PALM2AKAP2: variants seen among roughly 807,000 people sequenced by gnomAD.
The protein encoded by PALM2AKAP2 is PALM2-AKAP2 fusion protein.
Under a neutral mutation model 71.5 loss-of-function variants are expected in PALM2AKAP2, and 37 were observed. That is an observed-to-expected ratio of 0.52 (90% confidence interval 0.40 to 0.68). PALM2AKAP2 has a LOEUF of 0.68. Ranked by LOEUF, PALM2AKAP2 falls within the 30% of genes least tolerant of loss-of-function variation. The pLI is 0.00. For missense variants in PALM2AKAP2, 1,224 were observed against 1,191.8 expected, an observed-to-expected ratio of 1.03 and a Z score of -0.40; for synonymous variants, 468 against 478.8, an observed-to-expected ratio of 0.98 and a Z score of 0.29.
Position 109,881,876 on chromosome 9 carries a change from C to CTTTTTTTTTTT in PALM2AKAP2, c.257+1212_257+1222dup, listed in dbSNP as rs565835467. ...TCTCTGTCTTCTGAGCTTATGAGCT[C>CTTTTTTTTTTT]TTTTTTTTTTTTTTTTTTTTTTTTT... On this transcript the variant is annotated intron_variant, in intron 3 of 9. Transcript: ENST00000302798. Among the ~76,000 whole-genome samples, 12 of 95,112 alleles carry CTTTTTTTTTTT rather than the reference C, an allele frequency of 1.3e-4. 1 individual carries two copies. Among genetic ancestry groups the CTTTTTTTTTTT allele is most frequent in the African/African-American group, 3.6e-4 (10 of 27,878 alleles). The allele number at this position is 95,112 out of a possible 152,430, so 62.4% of individuals were successfully genotyped here.
chr9:109,690,007 GT>G lies in PALM2AKAP2; in HGVS notation c.5+49155del, dbSNP rs573446380. Among the ~76,000 whole-genome samples the G allele has an allele frequency of 4.8e-3, 685 of 144,024 alleles. 5 individuals are homozygous for G. The highest frequency in any genetic ancestry group is 0.037 in the South Asian group (164 of 4,468). The allele number at this position is 144,024 out of a possible 152,430, so 94.5% of individuals were successfully genotyped here. A position where few individuals can be genotyped will look rare whatever the true frequency, so the allele number is the denominator to read the frequency against. On this transcript the variant is annotated intron_variant, in intron 1 of 6. Transcript: ENST00000374531. ...AAAGAGACATCAAGAATGGGGAAGA[GT>G]TTTTTTTTTTTTTCCTCTTAAACAA...
At chr9:110,038,119 C>T (rs958224708) in intron 7 of PALM2AKAP2, among the ~76,000 whole-genome samples, 1 of 152,112 alleles carries the variant, frequency 6.6e-6, no homozygotes, top group East Asian at 1.9e-4. Context: ...GTGGCAGGAT[C>T]GCTTGAGCCC....
intron 1 of PALM2AKAP2, among the ~76,000 whole-genome samples, chr9:110,084,177 G>T (rs1440614897): frequency 6.6e-6 from 1 of 152,204 alleles, no homozygotes; most frequent in Non-Finnish European, 1.5e-5. Context: ...AAAACACTAA[G>T]CAAAGGTGGG....
intron 2 of PALM2AKAP2, among the ~76,000 whole-genome samples, chr9:109,872,118 C>A (rs539882919): frequency 6.6e-6 from 1 of 152,206 alleles, no homozygotes; most frequent in East Asian, 1.9e-4. Context: ...CATTCCTGTG[C>A]CAGTATTGTT....
intron 1 of PALM2AKAP2, among the ~76,000 whole-genome samples, chr9:110,054,137 C>T (rs1241174162): frequency 6.6e-5 from 10 of 152,196 alleles, no homozygotes; most frequent in Admixed American, 3.3e-4. Context: ...TGGTGGCTCA[C>T]GCCTATAATC....
At chr9:109,784,842 G>A (rs1246270502) in intron 1 of PALM2AKAP2, among the ~76,000 whole-genome samples, 1 of 152,266 alleles carries the variant, frequency 6.6e-6, no homozygotes, top group Non-Finnish European at 1.5e-5. Context: ...CAGCCTGAGT[G>A]TGAGCCACAG....
intron 6 of PALM2AKAP2, chr9:109,943,570 T>G (rs1831428779): frequency 8.3e-7 from 1 of 1,211,486 alleles, no homozygotes; most frequent in Non-Finnish European, 1.1e-6. Flanking sequence ...CTCTCTCATT[T>G]TTTTTCCTTT....
intron 7 of PALM2AKAP2, among the ~76,000 whole-genome samples, chr9:110,035,363 A>T (rs1349190361): frequency 3.5e-5 from 5 of 142,704 alleles, no homozygotes; most frequent in Non-Finnish European, 1.5e-5. Context: ...TATGTATAAT[A>T]CATATTATAT....
At chr9:110,107,590 A>C (rs1301186796) in intron 1 of PALM2AKAP2, among the ~76,000 whole-genome samples, 6 of 152,268 alleles carry the variant, frequency 3.9e-5, no homozygotes, top group African/African-American at 1.4e-4. Context: ...GTGGGGAGAC[A>C]GTGTCTCACT....
intron 1 of PALM2AKAP2, among the ~76,000 whole-genome samples, chr9:109,646,365 A>G (rs1827153936): frequency 6.6e-6 from 1 of 152,212 alleles, no homozygotes; most frequent in African/African-American, 2.4e-5. Flanking sequence ...TGGGATCCAA[A>G]AGGCACAAAG....
At chr9:110,147,136 A>T (rs1448368091) in intron 2 of PALM2AKAP2, among the ~76,000 whole-genome samples, 1 of 151,928 alleles carries the variant, frequency 6.6e-6, no homozygotes, top group Non-Finnish European at 1.5e-5. Flanking sequence ...CTGTAATCCC[A>T]GCTACTCGGG....
chr9:109,929,540 C>G (rs1831042360), intron 5 of PALM2AKAP2, among the ~76,000 whole-genome samples: 2 of 152,130 alleles, frequency 1.3e-5, no homozygotes, highest in Admixed American at 1.3e-4. Context: ...CAGCCTTCCA[C>G]AGTGGGAATT....
At chr9:109,823,773 G>A (rs1386662266) in intron 1 of PALM2AKAP2, among the ~76,000 whole-genome samples, 1 of 152,214 alleles carries the variant, frequency 6.6e-6, no homozygotes, top group Non-Finnish European at 1.5e-5. Context: ...GTCTGGGGGT[G>A]AGGGGAGTAA....
chr9:109,732,552 A>G (rs186189991), intron 1 of PALM2AKAP2, among the ~76,000 whole-genome samples: 2 of 152,304 alleles, frequency 1.3e-5, no homozygotes, highest in Non-Finnish European at 2.9e-5. Context: ...GTTAGGAAAG[A>G]GCTAAATTGT....
chr9:110,154,040 C>T (rs1836385667), intron 2 of PALM2AKAP2, among the ~76,000 whole-genome samples: 2 of 152,146 alleles, frequency 1.3e-5, no homozygotes, highest in African/African-American at 4.8e-5. Flanking sequence ...GTGTCTATTT[C>T]TGGTCCCAGA....
At chr9:109,697,924 C>T (rs1162283307) in intron 1 of PALM2AKAP2, among the ~76,000 whole-genome samples, 1 of 152,100 alleles carries the variant, frequency 6.6e-6, no homozygotes. Flanking sequence ...GATAGATTTC[C>T]TGCCTCCTTC....
At chr9:110,088,839 C>T (rs1834640592) in intron 1 of PALM2AKAP2, among the ~76,000 whole-genome samples, 1 of 150,540 alleles carries the variant, frequency 6.6e-6, no homozygotes, top group South Asian at 2.1e-4. Flanking sequence ...CCTGTCTCAG[C>T]CTCCCAAGTA....
intron 3 of PALM2AKAP2, among the ~76,000 whole-genome samples, chr9:109,891,394 C>T (rs527917137): frequency 3.9e-5 from 6 of 152,132 alleles, no homozygotes; most frequent in Non-Finnish European, 8.8e-5. Context: ...CCATTTTCCC[C>T]CATTATTAAG....
intron 6 of PALM2AKAP2, among the ~76,000 whole-genome samples, chr9:109,934,380 T>A (rs1208066002): frequency 6.6e-6 from 1 of 152,184 alleles, no homozygotes; most frequent in African/African-American, 2.4e-5. Context: ...TCAGAGCACA[T>A]CTAAGTTCTA....
Sources: allele counts gnomAD v4.1 joint callset (sites outside exome capture counted in the v4.1 genomes callset), GRCh38; gene constraint gnomAD v4.1.1; transcripts MANE v1.5; gene names NCBI Gene and HGNC (gene_info 2026-07-23, HGNC 2026-07-21).